ACER3: variants seen among roughly 807,000 people sequenced by gnomAD.
The protein encoded by ACER3 is alkaline ceramidase 3, also known as alkCDase 3.
In ACER3, 16 loss-of-function variants were observed where a neutral mutation model predicts 48.9. The ratio of observed to expected loss-of-function variants is 0.33; its 90% confidence interval spans 0.22 to 0.50. The LOEUF (loss-of-function observed/expected upper bound fraction) is 0.50. Among genes scored for constraint, ACER3 ranks in the 20% least tolerant of loss-of-function variants. The probability of loss-of-function intolerance (pLI) is 0.98; values close to 1 mark genes in which losing one functional copy is unlikely to be tolerated. For missense variants in ACER3, 227 were observed against 326.0 expected (o/e 0.70, Z 2.34); for synonymous variants, 109 against 107.8 (o/e 1.01, Z -0.07).
In ACER3 at chr11:76,931,953, C is replaced by CT. The variant is rs11300248; in HGVS notation, c.214+5301dup. Among the ~76,000 whole-genome samples, 118 of 129,894 alleles carry CT rather than the reference C, an allele frequency of 9.1e-4. 2 individuals carry two copies. Among genetic ancestry groups the CT allele is most frequent in the East Asian group, 6.8e-3 (31 of 4,564 alleles). 85.2% of individuals were successfully genotyped at this position (129,894 alleles called of 152,430 possible). A position where few individuals can be genotyped will look rare whatever the true frequency, so the allele number is the denominator to read the frequency against. On this transcript the variant is annotated intron_variant, in intron 2 of 10. Coordinates refer to ENST00000532485, the MANE Select transcript of ACER3 (RefSeq NM_018367.7). ...CTGACAATTATGTGTTTTGGAGTTG[C>CT]TTTTTTTTTTTTTTTGACAGAGTCG...
chr11:76,882,267 G>A (rs1408330697), intron 1 of ACER3, among the ~76,000 whole-genome samples: 1 of 150,460 alleles, frequency 6.6e-6, no homozygotes. Flanking sequence ...AACTGCCAAA[G>A]TGTTGGGATT....
chr11:76,971,386 A>C (rs1033204766), intron 3 of ACER3, among the ~76,000 whole-genome samples: 8 of 152,082 alleles, frequency 5.3e-5, no homozygotes, highest in Non-Finnish European at 1.0e-4. Flanking sequence ...CTAAAAATAC[A>C]AACATTAGCT....
chr11:76,935,452 T>C (rs1274734558), intron 2 of ACER3, among the ~76,000 whole-genome samples: 2 of 152,218 alleles, frequency 1.3e-5, no homozygotes, highest in African/African-American at 2.4e-5. Context: ...AGTAAAACTA[T>C]TGGATTGTAA....
At chr11:76,947,635 A>G (rs926788629) in intron 2 of ACER3, among the ~76,000 whole-genome samples, 1 of 152,160 alleles carries the variant, frequency 6.6e-6, no homozygotes, top group Non-Finnish European at 1.5e-5. Context: ...TTAGTAGCTC[A>G]TTTATTTCCC....
intron 6 of ACER3, among the ~76,000 whole-genome samples, chr11:76,995,273 C>T (rs371211534): frequency 6.6e-6 from 1 of 152,124 alleles, no homozygotes; most frequent in Non-Finnish European, 1.5e-5. Flanking sequence ...GACTTTGGCA[C>T]TCACTATTGC....
chr11:76,879,731 G>A (rs1565155928), intron 1 of ACER3, among the ~76,000 whole-genome samples: 3 of 152,144 alleles, frequency 2.0e-5, no homozygotes, highest in Admixed American at 2.0e-4. Context: ...CTTTTTGAAT[G>A]TTGGATAAAC....
chr11:76,874,783 T>C (rs1424210573), intron 1 of ACER3, among the ~76,000 whole-genome samples: 1 of 152,196 alleles, frequency 6.6e-6, no homozygotes, highest in Non-Finnish European at 1.5e-5. Context: ...ACTTGATTCC[T>C]TACTTTGGTG....
chr11:76,912,387 C>A (rs1946400789), intron 1 of ACER3, among the ~76,000 whole-genome samples: 2 of 152,104 alleles, frequency 1.3e-5, no homozygotes, highest in Admixed American at 6.6e-5. Context: ...GTTTTTTAAG[C>A]TACCCAGTTT....
chr11:76,909,581 C>T (rs1304442255), intron 1 of ACER3, among the ~76,000 whole-genome samples: 2 of 152,166 alleles, frequency 1.3e-5, no homozygotes, highest in African/African-American at 2.4e-5. Flanking sequence ...TACCATCTCA[C>T]GCCAGTTAGA....
chr11:77,015,070 G>A lies in ACER3; in HGVS notation c.552G>A (p.Leu184=), dbSNP rs781915174. 1.0e-5 allele frequency: 16 copies of A among 1,598,658 alleles called. No individual in the cohort carries two copies. In the South Asian group the frequency reaches 1.2e-4, roughly 12 times the overall value. The change falls in exon 8 of 11, where the codon TTG becomes TTA. Residue 184 remains leucine, a synonymous_variant. Transcript: ENST00000532485. ...LGYTSLGIFL[L]GFLFWNIDNI... is the part of the protein sequence containing the mutation. Reference sequence around the variant, plus strand: ...ATACATCATTGGGTATATTTTTATTGGGATTTTTATTTTGGAATATAGATA... The same window carrying A: ...ATACATCATTGGGTATATTTTTATTAGGATTTTTATTTTGGAATATAGATA...
chr11:76,959,012 C>T lies in ACER3; in HGVS notation c.248C>T (p.Thr83Ile). ...ATGGGATCCTGGTGCTTCCACATGA[C>T]TCTGAAATATGAAATGCAGGTTAGT... is the stretch of plus-strand genomic sequence containing the variant. The part of the protein sequence containing the change: ...VGMGSWCFHM[T>I]LKYEMQLLDE... Residue 83 changes from threonine (T) to isoleucine (I), a missense_variant, in exon 3 of 11, where the codon ACT becomes ATT. Thr to Ile is a moderately conservative substitution (Grantham distance 89). Transcript: ENST00000532485. The T allele has an allele frequency of 1.2e-6, 2 of 1,613,916 alleles. No homozygotes were observed. Among genetic ancestry groups the T allele is most frequent in the Non-Finnish European group, 8.5e-7 (1 of 1,179,970 alleles).
At chr11:76,930,309 A>G (rs952751881) in intron 2 of ACER3, among the ~76,000 whole-genome samples, 127 of 152,198 alleles carry the variant, frequency 8.3e-4, no homozygotes, top group African/African-American at 2.9e-3. Flanking sequence ...ATCAGTGGTG[A>G]TATCCCCTTT....
At chr11:76,923,467 G>A (rs1426245978) in intron 1 of ACER3, among the ~76,000 whole-genome samples, 8 of 152,062 alleles carry the variant, frequency 5.3e-5, no homozygotes. Context: ...TTCTGGGTTG[G>A]TTCCAGTTGA....
Position 76,860,962 on chromosome 11 carries a change from G to A in ACER3, c.-15G>A, listed in dbSNP as rs747633542. Reference sequence around the variant, plus strand: ...ACAGTGAGCGGAGCGCCTGGGCGGCGGCGGCGGCGGCGTGATGGCTCCGGC... The same window carrying A: ...ACAGTGAGCGGAGCGCCTGGGCGGCAGCGGCGGCGGCGTGATGGCTCCGGC... On this transcript the variant is annotated 5_prime_UTR_variant, in exon 1 of 11. Transcript: ENST00000532485. 1.3e-6 allele frequency: 2 copies of A among 1,520,536 alleles called. No individual in the cohort carries two copies. Among genetic ancestry groups the A allele is most frequent in the Non-Finnish European group, 1.8e-6 (2 of 1,132,892 alleles). 94.2% of individuals were successfully genotyped at this position (1,520,536 alleles called of 1,614,324 possible).
Position 76,917,402 on chromosome 11 carries a change from T to C in ACER3, c.104-9155T>C, listed in dbSNP as rs139062267. On this transcript the variant is annotated intron_variant, in intron 1 of 10. Transcript: ENST00000532485. ...AATTAAATATTTTTCTAAACTATTA[T>C]ATATATCCCAAAGAAAATAGAATGA... is the stretch of plus-strand genomic sequence containing the variant. Among the ~76,000 whole-genome samples the C allele has an allele frequency of 4.1e-3, 624 of 152,258 alleles. 7 individuals carry two copies. Among genetic ancestry groups the C allele is most frequent in the African/African-American group, 0.014 (601 of 41,562 alleles).
At chr11:76,910,039 A>G (rs191998422) in intron 1 of ACER3, among the ~76,000 whole-genome samples, 246 of 144,850 alleles carry the variant, frequency 1.7e-3, no homozygotes, top group African/African-American at 6.1e-3. Context: ...CAAACACCAC[A>G]TGTTCTCACT....
chr11:76,985,833 C>A, intron 5 of ACER3, 109 bp downstream of exon 5: 1 of 564,626 alleles, frequency 1.8e-6, no homozygotes, highest in Non-Finnish European at 2.9e-6. Context: ...TGAAATCTTT[C>A]TACACAAAAC....
At position 77,026,476 on chromosome 11, in the gene ACER3, A is replaced by G. The variant is rs1949551328; in HGVS notation, c.*6149A>G. Reference sequence around the variant, plus strand: ...TCCATACTTGTAATATTTCTGAGTCACTTATTAATGTGACCAACAGATAAA... The same window carrying G: ...TCCATACTTGTAATATTTCTGAGTCGCTTATTAATGTGACCAACAGATAAA... On this transcript the variant is annotated 3_prime_UTR_variant, in exon 11 of 11. Transcript: ENST00000532485. 1 of 152,202 alleles carries G rather than the reference A, an allele frequency of 6.6e-6. No homozygotes were observed. The highest frequency in any genetic ancestry group is 2.1e-4 in the South Asian group (1 of 4,828). The allele number at this position is 152,202 out of a possible 1,614,324, so 9.4% of individuals were successfully genotyped here.
At chr11:76,952,506 C>T (rs1947705082) in intron 2 of ACER3, among the ~76,000 whole-genome samples, 1 of 151,306 alleles carries the variant, frequency 6.6e-6, no homozygotes, top group Non-Finnish European at 1.5e-5. Context: ...GATCTGCCCA[C>T]CTTGGCCTCT....
Sources: gnomAD v4.1 joint callset for allele counts (sites outside exome capture counted in the v4.1 genomes callset) on GRCh38, gnomAD v4.1.1 for gene constraint, MANE v1.5 for transcripts, NCBI Gene and HGNC (gene_info 2026-07-23, HGNC 2026-07-21) for gene names.